KCTD17: variants seen among roughly 807,000 people sequenced by gnomAD.
KCTD17 encodes the protein BTB/POZ domain-containing protein KCTD17.
In KCTD17, 20 loss-of-function variants were observed where a neutral mutation model predicts 41.5. That is an observed-to-expected ratio of 0.48 (90% CI 0.34 to 0.70). The LOEUF is 0.70. Ranked by LOEUF, KCTD17 falls within the 30% of genes least tolerant of loss-of-function variation. KCTD17 has a pLI of 0.01. For missense variants in KCTD17, 317 were observed against 427.2 expected, an observed-to-expected ratio of 0.74 and a Z score of 2.27; for synonymous variants, 156 against 173.8, an observed-to-expected ratio of 0.90 and a Z score of 0.80.
chr22:37,057,147 CT>C (rs1393132129), intron 3 of KCTD17, among the ~76,000 whole-genome samples: 1 of 152,172 alleles, frequency 6.6e-6, no homozygotes, highest in East Asian at 1.9e-4. Flanking sequence ...GTAACTGGAC[CT>C]CTCTGAGCCT....
chr22:37,060,491 G>A (rs927751926), intron 5 of KCTD17, among the ~76,000 whole-genome samples: 3 of 151,976 alleles, frequency 2.0e-5, no homozygotes, highest in South Asian at 4.2e-4. Context: ...TCCAAACAAG[G>A]CCTTCCCAGG....
At chr22:37,062,282 T>A in intron 8 of KCTD17, 12 of 984,544 alleles carry the variant, frequency 1.2e-5, no homozygotes, top group Non-Finnish European at 1.4e-5. Context: ...GGCATGGGGC[T>A]CCTGGATGGG....
intron 2 of KCTD17, among the ~76,000 whole-genome samples, chr22:37,054,369 T>C (rs1012288616): frequency 3.9e-5 from 6 of 152,040 alleles, no homozygotes; most frequent in African/African-American, 9.7e-5. Context: ...GACAGCGCTG[T>C]CTGGGGGCTA....
rs34395802 is a variant in KCTD17 at position 37,059,324 on chromosome 22, C to T, written c.498C>T (p.Ile166=). The T allele has an allele frequency of 8.6e-5, 138 of 1,612,794 alleles. No individual in the cohort carries two copies. In the Admixed American group the frequency reaches 1.7e-3, roughly 19 times the overall value. ...DGWRFEQLVN[I]GSSYNYGSED... ...CTCCGCCCCTCTAGCTGGTGAACAT[C>T]GGCTCCTCCTACAACTACGGCAGCG... The change falls in exon 5 of 9, where the codon ATC becomes ATT. Residue 166 remains isoleucine, a synonymous_variant. Coordinates refer to ENST00000403888, the MANE Select transcript of KCTD17 (RefSeq NM_001282684.2).
At chr22:37,058,419 G>C (rs1180040212) in intron 4 of KCTD17, among the ~76,000 whole-genome samples, 1 of 152,246 alleles carries the variant, frequency 6.6e-6, no homozygotes, top group Non-Finnish European at 1.5e-5. Flanking sequence ...CTCCTCTGTA[G>C]GACTCTTGTG....
intron 2 of KCTD17, among the ~76,000 whole-genome samples, chr22:37,054,297 T>A (rs1402061590): frequency 4.6e-5 from 7 of 152,150 alleles, no homozygotes; most frequent in Admixed American, 4.6e-4. Flanking sequence ...CCCAGCTGCG[T>A]CGCAGCCAGC....
intron 1 of KCTD17, 112 bp downstream of exon 1, chr22:37,052,061 C>G: frequency 8.4e-7 from 1 of 1,195,740 alleles, no homozygotes; most frequent in Non-Finnish European, 1.1e-6. Flanking sequence ...GGTTCATTTC[C>G]GAGGAACTGG....
intron 4 of KCTD17, among the ~76,000 whole-genome samples, chr22:37,058,999 C>T (rs986583059): frequency 1.3e-5 from 2 of 152,214 alleles, no homozygotes; most frequent in South Asian, 2.1e-4. Context: ...TAGAAAAGGG[C>T]CCCCTGGCTC....
In KCTD17 at chr22:37,053,371, G is replaced by C. The variant is rs967181930; in HGVS notation, c.298+163G>C. ...TGATTCCCAAGCATCTGCCTGTGCC[G>C]AGCCTGGGGCTCTGCCAAGCGGACG... On this transcript the variant is annotated intron_variant, in intron 2 of 8. Transcript: ENST00000403888. The surrounding 1 kb of genome is among the most constrained non-coding windows in gnomAD (Gnocchi z 4.1). Among the ~76,000 whole-genome samples the C allele has an allele frequency of 1.3e-5, 2 of 152,212 alleles. No individual in the cohort carries two copies. The highest frequency in any genetic ancestry group is 2.9e-5 in the Non-Finnish European group (2 of 68,044).
At position 37,061,532 on chromosome 22, in the gene KCTD17, C is replaced by T. The variant is rs1003497037; in HGVS notation, c.785-7C>T. On this transcript the variant is annotated splice_polypyrimidine_tract_variant and splice_region_variant and intron_variant, in intron 7 of 8. Coordinates refer to ENST00000403888, the MANE Select transcript of KCTD17 (RefSeq NM_001282684.2). The surrounding 1 kb of genome is among the most constrained non-coding windows in gnomAD (Gnocchi z 6.6). ...CCCGGCCTCCTCCTCACGTTTCCTC[C>T]TTGCAGGTTCCCGTCCGCACCCTCT... 2.5e-6 allele frequency: 4 copies of T among 1,600,654 alleles called. No homozygotes were observed. Among genetic ancestry groups the T allele is most frequent in the African/African-American group, 1.3e-5 (1 of 74,930 alleles).
In KCTD17 at chr22:37,062,519, T is replaced by C. The variant is rs762500530; in HGVS notation, c.876-6T>C. On this transcript the variant is annotated splice_region_variant and splice_polypyrimidine_tract_variant and intron_variant, in intron 8 of 8. Coordinates refer to ENST00000403888, the MANE Select transcript of KCTD17 (RefSeq NM_001282684.2). Reference sequence around the variant, plus strand: ...TCCTCCTGCCCTTCCCCTCTTTTTTTTCTAGCTGTTACAAGCCAGAGGCAC... The same window carrying C: ...TCCTCCTGCCCTTCCCCTCTTTTTTCTCTAGCTGTTACAAGCCAGAGGCAC... 6.2e-7 allele frequency: 1 copy of C among 1,612,616 alleles called. No individual in the cohort carries two copies.
At chr22:37,052,052 G>T in intron 1 of KCTD17, 103 bp downstream of exon 1, 1 of 1,120,584 alleles carries the variant, frequency 8.9e-7, no homozygotes, top group Non-Finnish European at 1.1e-6. Context: ...ACCCGGCCGG[G>T]TTCATTTCCG....
rs534467326 is a variant in KCTD17, at chr22:37,061,314, G to A, written c.784+139G>A. On this transcript the variant is annotated intron_variant, in intron 7 of 8. Coordinates refer to ENST00000403888, the MANE Select transcript of KCTD17 (RefSeq NM_001282684.2). The surrounding 1 kb of genome is among the most constrained non-coding windows in gnomAD (Gnocchi z 6.6). ...GGGTCTGCCCTGGTCCCAGCCTCCC[G>A]TGCCCTCCACCCAGGCCCCCTGGCC... 2.5e-5 allele frequency: 38 copies of A among 1,508,682 alleles called. No individual in the cohort carries two copies. Among genetic ancestry groups the A allele is most frequent in the East Asian group, 2.0e-4 (8 of 40,740 alleles). The allele number at this position is 1,508,682 out of a possible 1,614,324, so 93.5% of individuals were successfully genotyped here. A position where few individuals can be genotyped will look rare whatever the true frequency, so the allele number is the denominator to read the frequency against.
At chr22:37,059,964 G>C (rs541053621) in intron 5 of KCTD17, among the ~76,000 whole-genome samples, 1 of 152,330 alleles carries the variant, frequency 6.6e-6, no homozygotes, top group East Asian at 1.9e-4. Flanking sequence ...CCCTTTCCCA[G>C]GCCCCCTCCT....
chr22:37,062,499 C>T, intron 8 of KCTD17, 26 bp from the exon 9 acceptor site: 1 of 1,609,060 alleles, frequency 6.2e-7, no homozygotes, highest in South Asian at 1.1e-5. Context: ...TCCCATCCTC[C>T]TGCCCTTCCC....
At chr22:37,055,514 CAAGG>C (rs1166615561) in intron 2 of KCTD17, among the ~76,000 whole-genome samples, 1 of 152,178 alleles carries the variant, frequency 6.6e-6, no homozygotes, top group Non-Finnish European at 1.5e-5. Context: ...AGAGGCCAGT[CAAGG>C]AAAGGGCCCA....
Position 37,061,329 on chromosome 22 carries a change from GC to G in KCTD17, c.784+159del. ...CCAGCCTCCCGTGCCCTCCACCCAG[GC>G]CCCCTGGCCCTGCATCCCAGAGCGT... On this transcript the variant is annotated intron_variant, in intron 7 of 8. Coordinates refer to ENST00000403888, the MANE Select transcript of KCTD17 (RefSeq NM_001282684.2). The surrounding 1 kb of genome is among the most constrained non-coding windows in gnomAD (Gnocchi z 6.6). 1 of 1,491,746 alleles carries G rather than the reference GC, an allele frequency of 6.7e-7. No individual in the cohort carries two copies. The highest frequency in any genetic ancestry group is 8.9e-7 in the Non-Finnish European group (1 of 1,122,154). The allele number at this position is 1,491,746 out of a possible 1,614,324, so 92.4% of individuals were successfully genotyped here.
intron 2 of KCTD17, among the ~76,000 whole-genome samples, chr22:37,055,699 C>T (rs1206999320): frequency 1.3e-5 from 2 of 152,186 alleles, no homozygotes; most frequent in Non-Finnish European, 2.9e-5. Context: ...CAGGGTGTTG[C>T]AAACTGTAAG....
Position 37,061,498 on chromosome 22 carries a change from TC to T in KCTD17, c.785-39del. The T allele has an allele frequency of 6.3e-7, 1 of 1,577,574 alleles. No homozygotes were observed. The highest frequency in any genetic ancestry group is 1.1e-5 in the South Asian group (1 of 87,806). On this transcript the variant is annotated intron_variant, in intron 7 of 8. Transcript: ENST00000403888. This position sits in a 1 kb window ranked among gnomAD's most constrained non-coding sequence, Gnocchi z 6.6. ...CCCTGGCTGCAGGCCCTGCCCCCCC[TC>T]CTCTCCTCCCGGCCTCCTCCTCACG...
Sources: gnomAD v4.1 joint callset for allele counts (sites outside exome capture counted in the v4.1 genomes callset) on GRCh38, gnomAD v4.1.1 for gene constraint, Gnocchi (gnomAD v3.1) non-coding constraint, MANE v1.5 for transcripts, NCBI Gene and HGNC (gene_info 2026-07-23, HGNC 2026-07-21) for gene names.